The following SYNE2 variants were observed in gnomAD, a reference collection of about 807,000 sequenced individuals.
SYNE2 encodes nesprin-2.
A neutral mutation model predicts 856.3 loss-of-function variants in SYNE2; 431 were observed. That is an observed-to-expected ratio of 0.50 (90% CI 0.47 to 0.55). The LOEUF is 0.55. Ranked by LOEUF, SYNE2 falls within the 20% of genes least tolerant of loss-of-function variation. SYNE2 has a pLI of 0.00. For synonymous variants in SYNE2, 2,923 were observed against 2,872.3 expected, an observed-to-expected ratio of 1.02 and a Z score of -0.56; for missense variants, 8,129 against 8,023.2, an observed-to-expected ratio of 1.01 and a Z score of -0.50.
At chr14:64,028,368 A>C (rs976199524) in intron 43 of SYNE2, among the ~76,000 whole-genome samples, 1 of 150,752 alleles carries the variant, frequency 6.6e-6, no homozygotes, top group Non-Finnish European at 1.5e-5. Context: ...CGATCCTCCC[A>C]CCTCAGCCTA....
Position 63,976,664 on chromosome 14 carries a change from G to T in SYNE2, c.1230G>T (p.Leu410Phe). Residue 410 changes from leucine to phenylalanine, a missense_variant, in exon 12 of 116, where the codon TTG becomes TTT. Around this residue, in one of 3 missense-constraint regions of SYNE2, gnomAD observed 2,422 missense variants for 2,357.4 expected, o/e 1.03. Coordinates refer to ENST00000555002, the MANE Select transcript of SYNE2 (RefSeq NM_182914.3). ...QEVEELMDED[L>F]SASQDHSQAV... ...TAGAAGAGCTTATGGATGAAGATTT[G>T]TCAGCCTCCCAGGATCACTCTCAAG... The T allele has an allele frequency of 1.9e-6, 3 of 1,605,928 alleles. No homozygotes were observed. The highest frequency in any genetic ancestry group is 2.5e-6 in the Non-Finnish European group (3 of 1,178,366).
intron 99 of SYNE2, among the ~76,000 whole-genome samples, chr14:64,201,223 C>T (rs987124863): frequency 1.3e-5 from 2 of 152,202 alleles, no homozygotes; most frequent in Non-Finnish European, 2.9e-5. Flanking sequence ...CCCGATGCTA[C>T]CACTTCCCTG....
chr14:64,134,998 A>G (rs28404143), intron 78 of SYNE2, among the ~76,000 whole-genome samples: 4 of 140,072 alleles, frequency 2.9e-5, no homozygotes, highest in Non-Finnish European at 4.5e-5. Flanking sequence ...AAACAAAAAA[A>G]CAAAAACCCT....
chr14:64,041,019 C>T (rs965233927), intron 45 of SYNE2, among the ~76,000 whole-genome samples: 8 of 152,150 alleles, frequency 5.3e-5, no homozygotes, highest in Admixed American at 2.6e-4. Context: ...TAATAAATTT[C>T]TCAACATGGA....
At chr14:64,021,559 A>C in intron 36 of SYNE2, 44 bp downstream of exon 36, 2 of 1,604,962 alleles carry the variant, frequency 1.2e-6, no homozygotes, top group Non-Finnish European at 1.7e-6. Flanking sequence ...ATTTATTTTC[A>C]CACTATTTGC....
chr14:63,917,462 A>T (rs563275902), intron 2 of SYNE2, among the ~76,000 whole-genome samples: 12 of 152,226 alleles, frequency 7.9e-5, no homozygotes, highest in Non-Finnish European at 1.6e-4. Context: ...TAAGCTTTAT[A>T]ATCTTTTTAT....
At chr14:63,805,117 G>A (rs1485848235) in intron 1 of SYNE2, among the ~76,000 whole-genome samples, 2 of 152,126 alleles carry the variant, frequency 1.3e-5, no homozygotes, top group African/African-American at 2.4e-5. Flanking sequence ...TTTTTGTACC[G>A]ATACCGTACT....
At chr14:63,994,927 G>A in intron 22 of SYNE2, 117 bp from the exon 23 acceptor site, 1 of 636,922 alleles carries the variant, frequency 1.6e-6, no homozygotes, top group Non-Finnish European at 2.6e-6. Flanking sequence ...GAATCAGAAT[G>A]GCACTTAAGC....
intron 1 of SYNE2, among the ~76,000 whole-genome samples, chr14:63,882,325 A>G (rs996272175): frequency 1.3e-5 from 2 of 152,232 alleles, no homozygotes; most frequent in Admixed American, 6.5e-5. Flanking sequence ...TAAGTCGCCA[A>G]AGAAAACTTA....
intron 100 of SYNE2, among the ~76,000 whole-genome samples, chr14:64,208,476 T>A (rs540675774): frequency 8.5e-5 from 13 of 152,268 alleles, no homozygotes; most frequent in South Asian, 6.2e-4. Context: ...GCGCCACCTG[T>A]CAGTGCGTAG....
chr14:63,895,604 A>T (rs1366142476), intron 1 of SYNE2, among the ~76,000 whole-genome samples: 1 of 150,854 alleles, frequency 6.6e-6, no homozygotes, highest in African/African-American at 2.4e-5. Context: ...AAAAAAAAAA[A>T]AAAAAAATTC....
rs1170005573 is a variant in SYNE2 at position 64,220,318 on chromosome 14, C to A, written c.19861-119C>A. On this transcript the variant is annotated intron_variant, in intron 110 of 115. Coordinates refer to ENST00000555002, the MANE Select transcript of SYNE2 (RefSeq NM_182914.3). ...AGCCAGTCCCAGGCGAGGTCACTCT[C>A]ATTTCTGTGGCCGCAGCTTGGAAAA... is the stretch of plus-strand genomic sequence containing the variant. The A allele has an allele frequency of 7.9e-6, 9 of 1,140,212 alleles. No individual in the cohort carries two copies. The Admixed American group carries it at 1.5e-4, about 20-fold the overall frequency. 70.6% of individuals were successfully genotyped at this position (1,140,212 alleles called of 1,614,324 possible).
At chr14:64,189,544 T>C (rs1300089501) in intron 98 of SYNE2, among the ~76,000 whole-genome samples, 2 of 152,234 alleles carry the variant, frequency 1.3e-5, no homozygotes, top group Non-Finnish European at 2.9e-5. Context: ...CCACGTAGGT[T>C]AGAAGAAATC....
chr14:63,804,018 C>T (rs1038608391), intron 1 of SYNE2, among the ~76,000 whole-genome samples: 3 of 152,170 alleles, frequency 2.0e-5, no homozygotes, highest in African/African-American at 7.2e-5. Context: ...GTCTCCTGCT[C>T]CGCCATGGGA....
intron 50 of SYNE2, 117 bp downstream of exon 50, chr14:64,063,012 A>G: frequency 8.5e-7 from 1 of 1,179,952 alleles, no homozygotes; most frequent in Non-Finnish European, 1.2e-6. Context: ...ACAGTGAGTT[A>G]AATATCCATG....
chr14:64,161,637 A>G lies in SYNE2; in HGVS notation c.16095-435A>G, dbSNP rs139960549. On this transcript the variant is annotated intron_variant, in intron 87 of 115. Transcript: ENST00000555002. ...ACCATGGCTCACACCTATAATCCCA[A>G]CACTTTGGGAGGCTGAGGCAGGAGG... is the stretch of plus-strand genomic sequence containing the variant. 1.1e-4 allele frequency among the ~76,000 whole-genome samples: 17 copies of G among 151,336 alleles called. No homozygotes were observed. In the East Asian group the frequency reaches 2.9e-3, roughly 26 times the overall value.
chr14:63,799,705 A>T (rs1888057236), intron 1 of SYNE2, among the ~76,000 whole-genome samples: 1 of 152,064 alleles, frequency 6.6e-6, no homozygotes, highest in Admixed American at 6.6e-5. Context: ...AAACAAACAA[A>T]CAAAAAAGAC....
intron 87 of SYNE2, among the ~76,000 whole-genome samples, chr14:64,159,932 G>C (rs1011876061): frequency 1.3e-5 from 2 of 152,208 alleles, no homozygotes; most frequent in Non-Finnish European, 2.9e-5. Context: ...CCTTTAAGGA[G>C]TGTGGCCCTA....
In SYNE2 at chr14:63,973,631, CAAA is replaced by C. The variant is rs60498158; in HGVS notation, c.1129-2912_1129-2910del. ...TGGGTAACACACCGAGAGTCCATCT[CAAA>C]AAAAAAAAAAAAAAAAAAAGGTTGT... On this transcript the variant is annotated intron_variant, in intron 11 of 115. Transcript: ENST00000555002. 7.1e-3 allele frequency among the ~76,000 whole-genome samples: 482 copies of C among 67,768 alleles called. 2 individuals carry two copies. Among genetic ancestry groups the C allele is most frequent in the African/African-American group, 0.022 (391 of 17,732 alleles). 44.5% of individuals were successfully genotyped at this position (67,768 alleles called of 152,430 possible).
Sources: allele counts gnomAD v4.1 joint callset (sites outside exome capture counted in the v4.1 genomes callset), GRCh38; gene constraint gnomAD v4.1.1; regional missense constraint gnomAD v4.1.1; transcripts MANE v1.5; gene names NCBI Gene and HGNC (gene_info 2026-07-23, HGNC 2026-07-21).